Variants in ITGB1BP1 observed in about 807,000 individuals in gnomAD.
ITGB1BP1 encodes integrin subunit beta 1 binding protein 1, also known as integrin beta-1-binding protein 1.
Under a neutral mutation model 28.0 loss-of-function variants are expected in ITGB1BP1, and 20 were observed. The observed-to-expected ratio is 0.71, with a 90% CI of 0.50 to 1.04. The LOEUF (loss-of-function observed/expected upper bound fraction) is 1.04. Among genes scored for constraint, ITGB1BP1 ranks in the 50% least tolerant of loss-of-function variants. The pLI, the probability that ITGB1BP1 is intolerant of heterozygous loss-of-function variation, is 0.00. For missense variants in ITGB1BP1, 228 were observed against 242.5 expected (o/e 0.94, Z 0.40); for synonymous variants, 103 against 89.5 (o/e 1.15, Z -0.85).
At chr2:9,412,457 G>T (rs752986414) in intron 3 of ITGB1BP1, 52 bp from the exon 4 acceptor site, 3 of 1,474,152 alleles carry the variant, frequency 2.0e-6, no homozygotes, top group Non-Finnish European at 2.8e-6. Flanking sequence ...CTGCATTACA[G>T]AGTATCCTCA....
intron 4 of ITGB1BP1, among the ~76,000 whole-genome samples, chr2:9,408,871 G>A (rs1156444588): frequency 6.6e-6 from 1 of 152,174 alleles, no homozygotes; most frequent in African/African-American, 2.4e-5. Context: ...TACACACTGA[G>A]CTGCTTCTCA....
intron 2 of ITGB1BP1, among the ~76,000 whole-genome samples, chr2:9,416,821 TCTGGCATCCAGGTAGAAACAC>T (rs1286276828): frequency 6.6e-6 from 1 of 152,142 alleles, no homozygotes; most frequent in African/African-American, 2.4e-5. Flanking sequence ...TCAAATGGTA[TCTGGCATCCAGGTAGAAACAC>T]CTGGAATGAA....
Position 9,406,919 on chromosome 2 carries a change from A to AAGAT in ITGB1BP1, c.532-18_532-15dup, listed in dbSNP as rs758706800. 3.7e-5 allele frequency: 58 copies of AAGAT among 1,579,226 alleles called. No individual in the cohort carries two copies. The South Asian group carries it at 4.0e-4, about 11-fold the overall frequency. On this transcript the variant is annotated splice_polypyrimidine_tract_variant and intron_variant, in intron 6 of 6. Transcript: ENST00000355346. ...TTGTGCTTGTTCCTACATTACATGA[A>AAGAT]AGATAGAGTAAGAGCAACATTCATC...
chr2:9,416,176 C>T (rs59637766), intron 2 of ITGB1BP1, among the ~76,000 whole-genome samples: 3,782 of 152,234 alleles, frequency 0.025, 151 homozygotes, highest in African/African-American at 0.087. Flanking sequence ...GGATGTCTAA[C>T]CCCCTTCCTC....
rs1229631740 is a variant in ITGB1BP1 at position 9,415,400 on chromosome 2, C to T, written c.73-1144G>A. Among the ~76,000 whole-genome samples, 1 of 150,802 alleles carries T rather than the reference C, an allele frequency of 6.6e-6. No homozygotes were observed. The highest frequency in any genetic ancestry group is 1.5e-5 in the Non-Finnish European group (1 of 67,742). On this transcript the variant is annotated intron_variant, in intron 2 of 6. Coordinates refer to ENST00000355346, the MANE Select transcript of ITGB1BP1 (RefSeq NM_004763.5). This position sits in a 1 kb window ranked among gnomAD's most constrained non-coding sequence, Gnocchi z 4.1. ...ATCTCAAAACAAACAAACAAAAACA[C>T]ACACACAAAAAAAAACACAACAATA... is the stretch of plus-strand genomic sequence containing the variant.
chr2:9,422,307 C>T (rs529874811), intron 1 of ITGB1BP1, among the ~76,000 whole-genome samples: 5 of 152,248 alleles, frequency 3.3e-5, no homozygotes, highest in Non-Finnish European at 5.9e-5. Flanking sequence ...GCCAGGTCCT[C>T]CAGGACCCAG....
intron 4 of ITGB1BP1, among the ~76,000 whole-genome samples, chr2:9,409,866 C>T (rs1572691783): frequency 4.8e-5 from 6 of 124,796 alleles, no homozygotes; most frequent in Admixed American, 3.7e-4. Context: ...TTTTTTGAGA[C>T]GGAGTTCTGC....
At position 9,406,017 on chromosome 2, in the gene ITGB1BP1, C is replaced by G. The variant is rs1421002421; in HGVS notation, c.*817G>C. ...CTGAGCCCATGTCCTCAGTCTTCCTCAGGCCTTCAGTGTGTGTCACTGAGT... is the reference window on the plus strand; with the variant it reads ...CTGAGCCCATGTCCTCAGTCTTCCTGAGGCCTTCAGTGTGTGTCACTGAGT... On this transcript the variant is annotated 3_prime_UTR_variant, in exon 7 of 7. Transcript: ENST00000355346. 1 of 145,458 alleles carries G rather than the reference C, an allele frequency of 6.9e-6. No individual in the cohort carries two copies. The highest frequency in any genetic ancestry group is 1.5e-5 in the Non-Finnish European group (1 of 64,584). 9.0% of individuals were successfully genotyped at this position (145,458 alleles called of 1,614,324 possible). A position where few individuals can be genotyped will look rare whatever the true frequency, so the allele number is the denominator to read the frequency against.
intron 1 of ITGB1BP1, 72 bp downstream of exon 1, chr2:9,423,301 C>A (rs1041212993): frequency 2.6e-5 from 32 of 1,221,914 alleles, no homozygotes; most frequent in South Asian, 5.4e-5. Context: ...CCGTCCGCGC[C>A]GCTCTCGGGA....
At position 9,405,256 on chromosome 2, in the gene ITGB1BP1, G is replaced by GTTA. The variant is rs1677120142; in HGVS notation, c.*1575_*1577dup. ...ACGACCCTGCTAATATCCTTTCTTA[G>GTTA]TTATTTGCTCCTTGCAAATTAAAAA... On this transcript the variant is annotated 3_prime_UTR_variant, in exon 7 of 7. Coordinates refer to ENST00000355346, the MANE Select transcript of ITGB1BP1 (RefSeq NM_004763.5). The GTTA allele has an allele frequency of 6.6e-6, 1 of 152,174 alleles. No individual in the cohort carries two copies. Among genetic ancestry groups the GTTA allele is most frequent in the African/African-American group, 2.4e-5 (1 of 41,428 alleles). 9.4% of individuals were successfully genotyped at this position (152,174 alleles called of 1,614,324 possible). A position where few individuals can be genotyped will look rare whatever the true frequency, so the allele number is the denominator to read the frequency against.
At chr2:9,423,249 T>C in intron 1 of ITGB1BP1, 124 bp downstream of exon 1, 5 of 1,148,726 alleles carry the variant, frequency 4.4e-6, no homozygotes, top group Non-Finnish European at 5.4e-6. Context: ...AGCCCAGGCA[T>C]CCCTCCTCCG....
intron 1 of ITGB1BP1, chr2:9,422,989 C>T: frequency 8.1e-6 from 8 of 988,094 alleles, no homozygotes; most frequent in Non-Finnish European, 9.6e-6. Context: ...TGATGGAGCA[C>T]CTTCCAAGCG....
rs547624427 is a variant in ITGB1BP1, at chr2:9,407,605, A to G, written c.382-7T>C. 1 of 1,614,012 alleles carries G rather than the reference A, an allele frequency of 6.2e-7. No homozygotes were observed. Among genetic ancestry groups the G allele is most frequent in the Non-Finnish European group, 8.5e-7 (1 of 1,179,984 alleles). ...CATGCCTGTGCAAAACATCCTGCAG[A>G]AGTCAGGAAAGATTCCGAGAGATCA... is the stretch of plus-strand genomic sequence containing the variant. On this transcript the variant is annotated splice_polypyrimidine_tract_variant and splice_region_variant and intron_variant, in intron 5 of 6. Transcript: ENST00000355346.
chr2:9,408,071 G>A (rs373067682), intron 5 of ITGB1BP1, 42 bp downstream of exon 5: 12 of 1,104,828 alleles, frequency 1.1e-5, no homozygotes, highest in African/African-American at 6.3e-5. Context: ...TGAATTCCCT[G>A]TTATCTAAAA....
intron 2 of ITGB1BP1, among the ~76,000 whole-genome samples, chr2:9,414,865 A>G (rs1267167269): frequency 6.6e-6 from 1 of 152,188 alleles, no homozygotes; most frequent in Non-Finnish European, 1.5e-5. Flanking sequence ...AACTGCCACC[A>G]AAAAAACAAC....
In ITGB1BP1 at chr2:9,404,054, G is replaced by A. The variant is rs1237413270; in HGVS notation, c.*2780C>T. On this transcript the variant is annotated 3_prime_UTR_variant, in exon 7 of 7. Coordinates refer to ENST00000355346, the MANE Select transcript of ITGB1BP1 (RefSeq NM_004763.5). Reference sequence around the variant, plus strand: ...CTGAATTTGGTTAAAAACTAAGGATGATGGATTGCAAAACAGTTCTTTTAA... The same window carrying A: ...CTGAATTTGGTTAAAAACTAAGGATAATGGATTGCAAAACAGTTCTTTTAA... The A allele has an allele frequency of 6.6e-6, 1 of 152,236 alleles. No individual in the cohort carries two copies. Among genetic ancestry groups the A allele is most frequent in the Non-Finnish European group, 1.5e-5 (1 of 68,050 alleles). The allele number at this position is 152,236 out of a possible 1,614,324, so 9.4% of individuals were successfully genotyped here. A position where few individuals can be genotyped will look rare whatever the true frequency, so the allele number is the denominator to read the frequency against.
Position 9,423,500 on chromosome 2 carries a change from C to A in ITGB1BP1, c.-163G>T. ...CCGGCTTTTCCAGCCCTCCTGCCCA[C>A]GTCCGCCGGGCCGCGCCTCCAAGAC... On this transcript the variant is annotated 5_prime_UTR_variant, in exon 1 of 7. Coordinates refer to ENST00000355346, the MANE Select transcript of ITGB1BP1 (RefSeq NM_004763.5). 12 of 1,192,086 alleles carry A rather than the reference C, an allele frequency of 1.0e-5. No individual in the cohort carries two copies. The highest frequency in any genetic ancestry group is 1.3e-5 in the Non-Finnish European group (12 of 938,348). 73.8% of individuals were successfully genotyped at this position (1,192,086 alleles called of 1,614,324 possible).
At chr2:9,407,906 C>T in intron 5 of ITGB1BP1, 1 of 543,906 alleles carries the variant, frequency 1.8e-6, no homozygotes, top group Non-Finnish European at 3.3e-6. Context: ...GTGGGGGGGG[C>T]AGGTTGCATG....
rs763721707 is a variant in ITGB1BP1 at position 9,405,430 on chromosome 2, G to GT, written c.*1403dup. 2 of 152,598 alleles carry GT rather than the reference G, an allele frequency of 1.3e-5. No homozygotes were observed. The highest frequency in any genetic ancestry group is 2.4e-5 in the African/African-American group (1 of 41,430). The allele number at this position is 152,598 out of a possible 1,614,324, so 9.5% of individuals were successfully genotyped here. A position where few individuals can be genotyped will look rare whatever the true frequency, so the allele number is the denominator to read the frequency against. On this transcript the variant is annotated 3_prime_UTR_variant, in exon 7 of 7. Coordinates refer to ENST00000355346, the MANE Select transcript of ITGB1BP1 (RefSeq NM_004763.5). ...CTCAGAACATGTACACAGACTAAGA[G>GT]TAACTGTGTGATCTGTTAAGGGGTG...
Sources: allele counts gnomAD v4.1 joint callset (sites outside exome capture counted in the v4.1 genomes callset), GRCh38; gene constraint gnomAD v4.1.1; non-coding constraint Gnocchi (gnomAD v3.1); transcripts MANE v1.5; gene names NCBI Gene and HGNC (gene_info 2026-07-23, HGNC 2026-07-21).